The following ABHD17B variants were observed in gnomAD, a reference collection of about 807,000 sequenced individuals.
ABHD17B encodes the protein alpha/beta hydrolase domain-containing protein 17B.
A neutral mutation model predicts 26.2 loss-of-function variants in ABHD17B; 9 were observed. The ratio of observed to expected loss-of-function variants is 0.34; its 90% CI spans 0.21 to 0.60. The LOEUF (loss-of-function observed/expected upper bound fraction) is 0.60, where lower values mean the gene tolerates loss of function less well. ABHD17B is among the 20% of genes least tolerant of loss of function. The pLI is 0.80. For missense variants in ABHD17B, 224 were observed against 352.1 expected, an observed-to-expected ratio of 0.64 and a Z score of 2.91; for synonymous variants, 127 against 122.3, an observed-to-expected ratio of 1.04 and a Z score of -0.25.
In ABHD17B at chr9:71,870,245, T is replaced by G; in HGVS notation, c.485A>C (p.Glu162Ala). 2 of 1,594,176 alleles carry G rather than the reference T, an allele frequency of 1.3e-6. No individual in the cohort carries two copies. The highest frequency in any genetic ancestry group is 1.7e-6 in the Non-Finnish European group (2 of 1,173,006). ...ACTTTGGCCATATATAATCACATTT[T>G]CAGGGCGAATGCCATATCTACAAAG... is the stretch of plus-strand genomic sequence containing the variant. ...ALRTRYGIRP[E>A]NVIIYGQSIG... is the part of the protein sequence containing the mutation. The change falls in exon 3 of 4, where the codon GAA becomes GCA. Residue 162 changes from glutamate (E) to alanine (A), a missense_variant. Glu to Ala is a moderately radical substitution (Grantham distance 107, BLOSUM62 -1). Coordinates refer to ENST00000333421, the MANE Select transcript of ABHD17B (RefSeq NM_001025780.3).
chr9:71,889,981 C>A (rs1179733324), intron 1 of ABHD17B, among the ~76,000 whole-genome samples: 7 of 151,888 alleles, frequency 4.6e-5, no homozygotes. Context: ...ACTGAGCGGG[C>A]TGGGCAAGGT....
intron 1 of ABHD17B, among the ~76,000 whole-genome samples, chr9:71,882,603 A>C (rs1405128995): frequency 6.6e-6 from 1 of 151,706 alleles, no homozygotes; most frequent in Non-Finnish European, 1.5e-5. Context: ...GGTTGCAGTG[A>C]GCTGAGATCG....
rs149061232 is a variant in ABHD17B, at chr9:71,899,611, A to G, written c.-4+11023T>C. Among the ~76,000 whole-genome samples, 214 of 152,342 alleles carry G rather than the reference A, an allele frequency of 1.4e-3. 1 individual carries two copies. Among genetic ancestry groups the G allele is most frequent in the African/African-American group, 5.0e-3 (209 of 41,578 alleles). On this transcript the variant is annotated intron_variant, in intron 1 of 3. Transcript: ENST00000333421. Reference sequence around the variant, plus strand: ...CTGTAGGAAATATAGGAATTGTGGAAGGAGCACTAGCCCAAGAGTTGGAAA... The same window carrying G: ...CTGTAGGAAATATAGGAATTGTGGAGGGAGCACTAGCCCAAGAGTTGGAAA...
In ABHD17B at chr9:71,892,653, G is replaced by T. The variant is rs947756327; in HGVS notation, c.-3-17570C>A. 4.9e-5 allele frequency among the ~76,000 whole-genome samples: 7 copies of T among 143,448 alleles called. No homozygotes were observed. The East Asian group carries it at 1.3e-3, about 26-fold the overall frequency. 94.1% of individuals were successfully genotyped at this position (143,448 alleles called of 152,430 possible). ...AAATTTACATTTAGCAAATTAATTTGGGGGGGGGAAGGCAGGTGATAAGGT... is the reference window on the plus strand; with the variant it reads ...AAATTTACATTTAGCAAATTAATTTTGGGGGGGGAAGGCAGGTGATAAGGT... On this transcript the variant is annotated intron_variant, in intron 1 of 3. Coordinates refer to ENST00000333421, the MANE Select transcript of ABHD17B (RefSeq NM_001025780.3).
downstream of ABHD17B, among the ~76,000 whole-genome samples, chr9:71,864,556 C>T (rs977774253): frequency 1.3e-5 from 2 of 151,952 alleles, no homozygotes; most frequent in Non-Finnish European, 2.9e-5. Flanking sequence ...TTCCTCTAGG[C>T]TTCCATATAT....
intron 1 of ABHD17B, among the ~76,000 whole-genome samples, chr9:71,882,394 C>A (rs945891638): frequency 6.6e-6 from 1 of 152,242 alleles, no homozygotes; most frequent in Non-Finnish European, 1.5e-5. Context: ...AGCAGAGGCT[C>A]ACGCCTGTAA....
At chr9:71,897,767 C>T (rs1827001676) in intron 1 of ABHD17B, among the ~76,000 whole-genome samples, 2 of 152,120 alleles carry the variant, frequency 1.3e-5, no homozygotes, top group Admixed American at 1.3e-4. Context: ...TTTGTCTACC[C>T]AGTTTGGCTA....
chr9:71,873,407 C>CT (rs977136427), intron 2 of ABHD17B, among the ~76,000 whole-genome samples: 9 of 151,302 alleles, frequency 5.9e-5, no homozygotes, highest in East Asian at 1.9e-4. Context: ...ATTAAAACTT[C>CT]TTTTTTTTTA....
chr9:71,874,349 C>A (rs552501004), intron 2 of ABHD17B, among the ~76,000 whole-genome samples: 10 of 151,898 alleles, frequency 6.6e-5, no homozygotes, highest in Admixed American at 2.0e-4. Flanking sequence ...GGACTTCCAG[C>A]TAAGAATTTA....
intron 1 of ABHD17B, among the ~76,000 whole-genome samples, chr9:71,884,697 G>A (rs1826554286): frequency 3.3e-5 from 5 of 151,474 alleles, no homozygotes; most frequent in Admixed American, 3.3e-4. Flanking sequence ...GATTGATGGT[G>A]ATAATGCGCC....
chr9:71,904,857 A>G (rs1827238579), intron 1 of ABHD17B, among the ~76,000 whole-genome samples: 2 of 152,318 alleles, frequency 1.3e-5, no homozygotes, highest in African/African-American at 4.8e-5. Flanking sequence ...ATCTTAACAT[A>G]AAAAATTACC....
intron 1 of ABHD17B, among the ~76,000 whole-genome samples, chr9:71,902,906 T>C (rs891209702): frequency 7.9e-4 from 120 of 152,334 alleles, no homozygotes; most frequent in African/African-American, 2.7e-3. Context: ...AAGTTTGACA[T>C]GATTGATAAT....
At chr9:71,879,871 A>C (rs1383445099) in intron 1 of ABHD17B, among the ~76,000 whole-genome samples, 1 of 152,220 alleles carries the variant, frequency 6.6e-6, no homozygotes, top group Non-Finnish European at 1.5e-5. Context: ...TAAGTTGCCT[A>C]ATGTCACAAA....
At chr9:71,908,070 C>T (rs745814620) in intron 1 of ABHD17B, among the ~76,000 whole-genome samples, 42 of 152,136 alleles carry the variant, frequency 2.8e-4, no homozygotes, top group Non-Finnish European at 5.1e-4. Context: ...AAATAATTAA[C>T]TTATCTGGGC....
At chr9:71,874,560 A>T (rs1166333434) in intron 2 of ABHD17B, 54 bp downstream of exon 2, 3 of 1,419,652 alleles carry the variant, frequency 2.1e-6, no homozygotes, top group Non-Finnish European at 2.9e-6. Context: ...CTTACACAAG[A>T]TATTTTTAGC....
chr9:71,866,637 C>T lies in ABHD17B; in HGVS notation c.*150G>A. 6.9e-7 allele frequency: 1 copy of T among 1,441,174 alleles called. No homozygotes were observed. The allele number at this position is 1,441,174 out of a possible 1,614,324, so 89.3% of individuals were successfully genotyped here. A position where few individuals can be genotyped will look rare whatever the true frequency, so the allele number is the denominator to read the frequency against. On this transcript the variant is annotated 3_prime_UTR_variant, in exon 4 of 4. Coordinates refer to ENST00000333421, the MANE Select transcript of ABHD17B (RefSeq NM_001025780.3). ...CAGTTTTTAGTTCTGGTAATTAAAA[C>T]CTTCATTAAGTCTGTTAACAAATCA...
chr9:71,873,570 G>A (rs1015249724), intron 2 of ABHD17B, among the ~76,000 whole-genome samples: 2 of 151,910 alleles, frequency 1.3e-5, no homozygotes, highest in Non-Finnish European at 2.9e-5. Flanking sequence ...GCTAATTTTC[G>A]TATTTTTAGT....
Position 71,866,954 on chromosome 9 carries a change from C to T in ABHD17B, c.700G>A (p.Glu234Lys). The change falls in exon 4 of 4, where the codon GAA (glutamate) becomes AAA (lysine). Residue 234 changes from glutamate (E) to lysine (K), a missense_variant. By Grantham distance (56) the Glu-to-Lys change is moderately conservative (BLOSUM62 1). Transcript: ENST00000333421. ...TSPVLIIHGT[E>K]DEVIDFSHGL... is the part of the protein sequence containing the mutation. ...TGTGAAAAGTCAATGACTTCATCTT[C>T]AGTCCCATGAATTATTAATACTGGA... 6.2e-7 allele frequency: 1 copy of T among 1,614,138 alleles called. No individual in the cohort carries two copies. Among genetic ancestry groups the T allele is most frequent in the South Asian group, 1.1e-5 (1 of 91,080 alleles).
intron 1 of ABHD17B, among the ~76,000 whole-genome samples, chr9:71,877,068 C>T (rs1826298270): frequency 6.6e-6 from 1 of 152,170 alleles, no homozygotes; most frequent in Admixed American, 6.5e-5. Context: ...GATTCTAAGG[C>T]ATACACAGGG....
Sources: gnomAD v4.1 joint callset for allele counts (sites outside exome capture counted in the v4.1 genomes callset) on GRCh38, gnomAD v4.1.1 for gene constraint, MANE v1.5 for transcripts, NCBI Gene and HGNC (gene_info 2026-07-23, HGNC 2026-07-21) for gene names.